SOS1: variants seen among roughly 807,000 people sequenced by gnomAD.
SOS1 encodes the protein son of sevenless homolog 1.
Under a neutral mutation model 157.6 loss-of-function variants are expected in SOS1, and 25 were observed. The observed-to-expected ratio is 0.16, with a 90% CI of 0.12 to 0.22. The LOEUF is 0.22. Among genes scored for constraint, SOS1 ranks in the 10% least tolerant of loss-of-function variants. The pLI, the probability that SOS1 is intolerant of heterozygous loss-of-function variation, is 1.00. For missense variants in SOS1, 1,237 were observed against 1,599.1 expected, an observed-to-expected ratio of 0.77 and a Z score of 3.86; for synonymous variants, 528 against 534.0, an observed-to-expected ratio of 0.99 and a Z score of 0.16.
Position 39,007,317 on chromosome 2 carries a change from A to G in SOS1, c.2511-124T>C, listed in dbSNP as rs1037647162. 92 of 683,142 alleles carry G rather than the reference A, an allele frequency of 1.3e-4. 1 individual carries two copies. Among genetic ancestry groups the G allele is most frequent in the Non-Finnish European group, 2.4e-4 (91 of 386,694 alleles). The allele number at this position is 683,142 out of a possible 1,614,324, so 42.3% of individuals were successfully genotyped here. ...GGTGGCGATAGTATAACTACTATAGAGAAGACACATTCAGGGTGACTGATA... is the reference window on the plus strand; with the variant it reads ...GGTGGCGATAGTATAACTACTATAGGGAAGACACATTCAGGGTGACTGATA... On this transcript the variant is annotated intron_variant, in intron 15 of 22. Coordinates refer to ENST00000402219, the MANE Select transcript of SOS1 (RefSeq NM_005633.4).
chr2:39,034,973 TAAAAA>T (rs902767903), intron 8 of SOS1: 11 of 551,198 alleles, frequency 2.0e-5, no homozygotes, highest in East Asian at 1.4e-4. Flanking sequence ...AAACCAAAAA[TAAAAA>T]AAAGAAAAAA....
intron 17 of SOS1, among the ~76,000 whole-genome samples, chr2:38,999,408 G>T (rs894237920): frequency 2.6e-5 from 4 of 152,136 alleles, no homozygotes; most frequent in African/African-American, 9.7e-5. Context: ...CACATCCTTG[G>T]AAAGATAAAA....
chr2:38,994,624 T>A (rs1668835169), intron 20 of SOS1, among the ~76,000 whole-genome samples: 1 of 152,218 alleles, frequency 6.6e-6, no homozygotes. Flanking sequence ...TTAGCATCCC[T>A]AACTGAAAAA....
intron 20 of SOS1, 101 bp from the exon 21 acceptor site, chr2:38,989,415 C>T (rs546515265): frequency 1.2e-5 from 9 of 767,486 alleles, no homozygotes; most frequent in South Asian, 3.0e-5. Context: ...TTGTCATTGT[C>T]GTTTTAAAGA....
chr2:39,002,331 A>G (rs1213394751), intron 17 of SOS1, among the ~76,000 whole-genome samples: 2 of 152,154 alleles, frequency 1.3e-5, no homozygotes, highest in African/African-American at 4.8e-5. Context: ...CTTAAAAAAA[A>G]AGAGAACATG....
rs756008569 is a variant in SOS1, at chr2:38,995,198, G to A, written c.3271C>T (p.Pro1091Ser). 1 of 1,613,984 alleles carries A rather than the reference G, an allele frequency of 6.2e-7. No individual in the cohort carries two copies. The highest frequency in any genetic ancestry group is 8.5e-7 in the Non-Finnish European group (1 of 1,179,902). ...GTGGTACTGGAAGCACCAGAAGCAGGCGGAGGTGTTAACGGTGTTCTTGGA... is the reference window on the plus strand; with the variant it reads ...GTGGTACTGGAAGCACCAGAAGCAGACGGAGGTGTTAACGGTGTTCTTGGA... ...NSPRTPLTPP[P>S]ASGASSTTDV... is the part of the protein sequence containing the mutation. The change falls in exon 20 of 23, where the codon CCT (proline) becomes TCT (serine). Residue 1091 changes from proline (P) to serine (S), a missense_variant. Coordinates refer to ENST00000402219, the MANE Select transcript of SOS1 (RefSeq NM_005633.4).
At chr2:39,103,338 T>G (rs1258321904) in intron 1 of SOS1, among the ~76,000 whole-genome samples, 2 of 151,942 alleles carry the variant, frequency 1.3e-5, no homozygotes, top group African/African-American at 4.8e-5. Flanking sequence ...CAAGGGACAC[T>G]GAAAAGCCAA....
intron 22 of SOS1, among the ~76,000 whole-genome samples, chr2:38,987,013 G>C (rs556208576): frequency 2.7e-5 from 4 of 149,650 alleles, no homozygotes; most frequent in African/African-American, 1.0e-4. Context: ...GCTATTTTGA[G>C]CCTTTGGGGT....
intron 1 of SOS1, among the ~76,000 whole-genome samples, chr2:39,110,524 C>A (rs1223845822): frequency 6.6e-6 from 1 of 151,358 alleles, no homozygotes; most frequent in African/African-American, 2.4e-5. Flanking sequence ...CTGCCTATGG[C>A]ACAGCCCTGC....
At chr2:38,998,247 A>G (rs909505922) in intron 17 of SOS1, among the ~76,000 whole-genome samples, 24 of 149,758 alleles carry the variant, frequency 1.6e-4, no homozygotes, top group African/African-American at 5.9e-4. Context: ...TTTTTTTTAT[A>G]TTTTATATTT....
At position 38,985,317 on chromosome 2, in the gene SOS1, C is replaced by G; in HGVS notation, c.*507G>C. The G allele has an allele frequency of 5.5e-6, 1 of 181,812 alleles. No individual in the cohort carries two copies. Among genetic ancestry groups the G allele is most frequent in the Non-Finnish European group, 1.2e-5 (1 of 85,334 alleles). The allele number at this position is 181,812 out of a possible 1,614,324, so 11.3% of individuals were successfully genotyped here. On this transcript the variant is annotated 3_prime_UTR_variant, in exon 23 of 23. Transcript: ENST00000402219. ...GCCTTGATTTCAACAAGGTCAGGTA[C>G]CACAGCCTTTCCTCACAGTCCTTTG...
At position 39,037,918 on chromosome 2, in the gene SOS1, G is replaced by GA. The variant is rs879625440; in HGVS notation, c.865-2419dup. Among the ~76,000 whole-genome samples the GA allele has an allele frequency of 5.1e-4, 75 of 146,952 alleles. No homozygotes were observed. The East Asian group carries it at 5.4e-3, about 11-fold the overall frequency. On this transcript the variant is annotated intron_variant, in intron 6 of 22. Transcript: ENST00000402219. ...GCCCACTATTGAGACCAACAGCTCA[G>GA]AAAAAAAAAAATTTCTTTCAAAATA...
rs1489315020 is a variant in SOS1 at position 38,983,388 on chromosome 2, T to A, written c.*2436A>T. 6.6e-6 allele frequency: 1 copy of A among 152,186 alleles called. No individual in the cohort carries two copies. The highest frequency in any genetic ancestry group is 2.4e-5 in the African/African-American group (1 of 41,458). The allele number at this position is 152,186 out of a possible 1,614,324, so 9.4% of individuals were successfully genotyped here. A position where few individuals can be genotyped will look rare whatever the true frequency, so the allele number is the denominator to read the frequency against. ...TCAGTTACCACTGCAGAAAATATTT[T>A]TACCTAAATGTAACAGTTCAGAATA... On this transcript the variant is annotated 3_prime_UTR_variant, in exon 23 of 23. Transcript: ENST00000402219.
At chr2:39,110,379 A>C (rs1673377336) in intron 1 of SOS1, among the ~76,000 whole-genome samples, 1 of 152,192 alleles carries the variant, frequency 6.6e-6, no homozygotes. Flanking sequence ...TTTGATCCAC[A>C]GTTGTTTGAA....
chr2:39,071,222 C>T lies in SOS1; in HGVS notation c.88-3469G>A, dbSNP rs933974206. Among the ~76,000 whole-genome samples, 4 of 152,114 alleles carry T rather than the reference C, an allele frequency of 2.6e-5. No individual in the cohort carries two copies. The East Asian group carries it at 5.8e-4, about 22-fold the overall frequency. On this transcript the variant is annotated intron_variant, in intron 1 of 22. Coordinates refer to ENST00000402219, the MANE Select transcript of SOS1 (RefSeq NM_005633.4). ...AAATGATACACCCACAATCCTGTTG[C>T]TAACTAGTAATACTGCAAATATTGA...
At chr2:38,994,608 A>T (rs1572803907) in intron 20 of SOS1, among the ~76,000 whole-genome samples, 1 of 152,320 alleles carries the variant, frequency 6.6e-6, no homozygotes, top group East Asian at 1.9e-4. Context: ...CATCATACTT[A>T]CTGGTTTAGC....
At chr2:39,093,886 T>G (rs1672678941) in intron 1 of SOS1, among the ~76,000 whole-genome samples, 1 of 152,224 alleles carries the variant, frequency 6.6e-6, no homozygotes, top group Non-Finnish European at 1.5e-5. Context: ...ATGTTGCAAT[T>G]AACCTAAAAG....
intron 1 of SOS1, among the ~76,000 whole-genome samples, chr2:39,087,325 CCACTGCCAACATGGCAAGAA>C (rs1348630833): frequency 6.6e-6 from 1 of 152,158 alleles, no homozygotes; most frequent in African/African-American, 2.4e-5. Flanking sequence ...TAAATATTAA[CCACTGCCAACATGGCAAGAA>C]CAGTGGAGCT....
chr2:39,058,242 G>A (rs577752552), intron 3 of SOS1, among the ~76,000 whole-genome samples: 1 of 152,124 alleles, frequency 6.6e-6, no homozygotes, highest in Admixed American at 6.5e-5. Flanking sequence ...GGACTGGAGA[G>A]TTTAGGTTAT....
Sources: gnomAD v4.1 joint callset for allele counts (sites outside exome capture counted in the v4.1 genomes callset) on GRCh38, gnomAD v4.1.1 for gene constraint, MANE v1.5 for transcripts, NCBI Gene and HGNC (gene_info 2026-07-23, HGNC 2026-07-21) for gene names.